Variants in ABCA3 observed in about 807,000 individuals in gnomAD.
The protein encoded by ABCA3 is phospholipid-transporting ATPase ABCA3.
A neutral mutation model predicts 172.8 loss-of-function variants in ABCA3; 88 were observed. That is an observed-to-expected ratio of 0.51 (90% CI 0.43 to 0.61). The LOEUF (loss-of-function observed/expected upper bound fraction) is 0.61, where lower values mean the gene tolerates loss of function less well. ABCA3 is among the 20% of genes least tolerant of loss of function. The pLI, the probability that ABCA3 is intolerant of heterozygous loss-of-function variation, is 0.00. For missense variants in ABCA3, 2,164 were observed against 2,301.0 expected, an observed-to-expected ratio of 0.94 and a Z score of 1.22; for synonymous variants, 1,066 against 983.8, an observed-to-expected ratio of 1.08 and a Z score of -1.56.
In ABCA3 at chr16:2,278,285, T is replaced by C; in HGVS notation, c.4718+3A>G. On this transcript the variant is annotated splice_donor_region_variant and intron_variant, in intron 30 of 32. Coordinates refer to ENST00000301732, the MANE Select transcript of ABCA3 (RefSeq NM_001089.3). The surrounding 1 kb of genome is among the most constrained non-coding windows in gnomAD (Gnocchi z 4.4). The stretch of plus-strand genomic sequence containing the variant: ...TCCAGTAACCCACAGACCCAGGCTC[T>C]ACCTGTGGGAGGTGATGATGATGGC... The C allele has an allele frequency of 6.2e-7, 1 of 1,607,404 alleles. No homozygotes were observed. Among genetic ancestry groups the C allele is most frequent in the Non-Finnish European group, 8.5e-7 (1 of 1,179,976 alleles).
chr16:2,317,693 G>A lies in ABCA3; in HGVS notation c.945C>T (p.Phe315=). ...TCATGAAGGAGGCGGCGATGAGGAG[G>A]AAGAGGAAGAACAAGAGGAACCAGG... is the stretch of plus-strand genomic sequence containing the variant. The part of the protein sequence containing the change: ...WSAWFLLFFL[F]LLIAASFMTL... The change falls in exon 9 of 33, where the codon TTC becomes TTT. Residue 315 remains phenylalanine (F), a synonymous_variant. Coordinates refer to ENST00000301732, the MANE Select transcript of ABCA3 (RefSeq NM_001089.3). 5.0e-6 allele frequency: 8 copies of A among 1,614,246 alleles called. No homozygotes were observed. The highest frequency in any genetic ancestry group is 6.8e-6 in the Non-Finnish European group (8 of 1,180,034).
intron 8 of ABCA3, among the ~76,000 whole-genome samples, chr16:2,318,417 T>C (rs1024707335): frequency 2.6e-5 from 4 of 152,158 alleles, no homozygotes; most frequent in Admixed American, 1.3e-4. Flanking sequence ...CACTGACCAA[T>C]ACGGCAGCCA....
intron 20 of ABCA3, chr16:2,289,066 C>T (rs2093667711): frequency 3.7e-6 from 1 of 269,542 alleles, no homozygotes; most frequent in South Asian, 5.0e-5. Context: ...AGAATGAGCT[C>T]TGTGACTCTG....
chr16:2,283,389 G>A lies in ABCA3; in HGVS notation c.3863-31C>T, dbSNP rs1429482790. ...GGGCGAGGGAGTCACTGTGCCCCGA[G>A]GCCTGGGGCACCCTCCTCCCCTTCC... On this transcript the variant is annotated intron_variant, in intron 25 of 32. Coordinates refer to ENST00000301732, the MANE Select transcript of ABCA3 (RefSeq NM_001089.3). The surrounding 1 kb of genome is among the most constrained non-coding windows in gnomAD (Gnocchi z 5.4). 6.2e-7 allele frequency: 1 copy of A among 1,606,650 alleles called. No homozygotes were observed. The highest frequency in any genetic ancestry group is 1.3e-5 in the African/African-American group (1 of 74,762).
Position 2,286,578 on chromosome 16 carries a change from C to T in ABCA3, c.3278+116G>A. ...GATGTGGCAGGGGTTTCCCACCAGACCCAGGGGCTTTGGGAGGGCAGACAC... is the reference window on the plus strand; with the variant it reads ...GATGTGGCAGGGGTTTCCCACCAGATCCAGGGGCTTTGGGAGGGCAGACAC... On this transcript the variant is annotated intron_variant, in intron 22 of 32. Transcript: ENST00000301732. The surrounding 1 kb of genome is among the most constrained non-coding windows in gnomAD (Gnocchi z 5.2). The T allele has an allele frequency of 1.4e-6, 2 of 1,399,112 alleles. No homozygotes were observed. Among genetic ancestry groups the T allele is most frequent in the South Asian group, 2.6e-5 (2 of 77,148 alleles). 86.7% of individuals were successfully genotyped at this position (1,399,112 alleles called of 1,614,324 possible).
Position 2,291,521 on chromosome 16 carries a change from G to C in ABCA3, c.2513+619C>G, listed in dbSNP as rs971123457. On this transcript the variant is annotated intron_variant, in intron 19 of 32. Coordinates refer to ENST00000301732, the MANE Select transcript of ABCA3 (RefSeq NM_001089.3). Reference sequence around the variant, plus strand: ...AACGACACAGGTATCTCCCAAGGACGATCTAAGCCCAAGAAGAGCTGGGCA... The same window carrying C: ...AACGACACAGGTATCTCCCAAGGACCATCTAAGCCCAAGAAGAGCTGGGCA... Among the ~76,000 whole-genome samples the C allele has an allele frequency of 8.5e-5, 13 of 152,268 alleles. No individual in the cohort carries two copies. The East Asian group carries it at 2.1e-3, about 25-fold the overall frequency.
chr16:2,339,434 T>C (rs1000526809), intron 1 of ABCA3: 4 of 152,218 alleles, frequency 2.6e-5, no homozygotes, highest in Non-Finnish European at 5.9e-5. Context: ...AAAATGAAAG[T>C]GTGGGGGAGA....
intron 3 of ABCA3, among the ~76,000 whole-genome samples, chr16:2,328,131 A>T (rs1219693786): frequency 2.6e-5 from 4 of 152,158 alleles, no homozygotes; most frequent in African/African-American, 9.7e-5. Flanking sequence ...GGGGAAAAAA[A>T]TCTGCCAAAA....
intron 11 of ABCA3, among the ~76,000 whole-genome samples, chr16:2,305,827 G>A (rs73500183): frequency 0.1 from 15,155 of 152,062 alleles, 834 homozygotes; most frequent in African/African-American, 0.14. Flanking sequence ...CTCCTGCCTC[G>A]GCCATAAGTC....
rs2093664851 is a variant in ABCA3, at chr16:2,287,457, T to C, written c.3005-490A>G. The stretch of plus-strand genomic sequence containing the variant: ...ACCACACCTAGCTAATTTTTGTGTT[T>C]AGTAGAGACAGAGTTTTGCCATGTT... On this transcript the variant is annotated intron_variant, in intron 21 of 32. Transcript: ENST00000301732. The surrounding 1 kb of genome is among the most constrained non-coding windows in gnomAD (Gnocchi z 4.1). 6.6e-6 allele frequency among the ~76,000 whole-genome samples: 1 copy of C among 152,132 alleles called. No homozygotes were observed. Among genetic ancestry groups the C allele is most frequent in the Non-Finnish European group, 1.5e-5 (1 of 68,026 alleles).
chr16:2,286,648 C>A lies in ABCA3; in HGVS notation c.3278+46G>T. On this transcript the variant is annotated intron_variant, in intron 22 of 32. Transcript: ENST00000301732. This position sits in a 1 kb window ranked among gnomAD's most constrained non-coding sequence, Gnocchi z 5.2. ...CGTGGCAGTGCCCAGGGCAGTCAGT[C>A]CTGGGGGCTCTGGCCAGGGCAGACA... 2.5e-6 allele frequency: 4 copies of A among 1,610,318 alleles called. No individual in the cohort carries two copies. The highest frequency in any genetic ancestry group is 1.3e-5 in the African/African-American group (1 of 74,810).
chr16:2,329,475 G>T (rs1352123799), intron 2 of ABCA3, among the ~76,000 whole-genome samples, 173 bp downstream of exon 2: 4 of 152,236 alleles, frequency 2.6e-5, no homozygotes, highest in Non-Finnish European at 5.9e-5. Flanking sequence ...ACAGTTCAAA[G>T]AAGTCTTCTG....
At chr16:2,314,227 G>A (rs1596857079) in intron 10 of ABCA3, among the ~76,000 whole-genome samples, 1 of 151,014 alleles carries the variant, frequency 6.6e-6, no homozygotes, top group Non-Finnish European at 1.5e-5. Flanking sequence ...CCAAGAGTCT[G>A]TCAATGGATG....
rs1555489503 is a variant in ABCA3 at position 2,315,238 on chromosome 16, A to ACG, written c.1111+2044_1111+2045insCG. 1.9e-3 allele frequency among the ~76,000 whole-genome samples: 286 copies of ACG among 151,314 alleles called. 16 individuals carry two copies. The highest frequency in any genetic ancestry group is 0.013 in the East Asian group (66 of 5,106). ...CACACACACACACACACACACACAC[A>ACG]CACACAGCAAAGTCTGATGAGATAT... On this transcript the variant is annotated intron_variant, in intron 10 of 32. Coordinates refer to ENST00000301732, the MANE Select transcript of ABCA3 (RefSeq NM_001089.3).
rs45498297 is a variant in ABCA3 at position 2,324,853 on chromosome 16, G to A, written c.320-322C>T. 0.012 allele frequency among the ~76,000 whole-genome samples: 1,841 copies of A among 152,270 alleles called. 24 individuals are homozygous for A. The highest frequency in any genetic ancestry group is 0.018 in the Non-Finnish European group (1,218 of 68,028). On this transcript the variant is annotated intron_variant, in intron 5 of 32. Transcript: ENST00000301732. ...CACCCTGCAGTGGGCTCTGCAGCCC[G>A]GGGTGGCTTCTCTTTCTCAAAACCA...
chr16:2,299,854 G>A, intron 13 of ABCA3, 151 bp downstream of exon 13: 1 of 1,150,242 alleles, frequency 8.7e-7, no homozygotes, highest in Non-Finnish European at 1.3e-6. Context: ...CCGGTTAGAG[G>A]GCAGCGGAGG....
chr16:2,337,062 G>A lies in ABCA3; in HGVS notation c.-539+3511C>T, dbSNP rs982797667. On this transcript the variant is annotated intron_variant, in intron 1 of 32. Coordinates refer to ENST00000301732, the MANE Select transcript of ABCA3 (RefSeq NM_001089.3). ...ACAGTAGCTGGGACTTCAGGTGCAC[G>A]CCACCATACCTGGCTATTTTTTTTT... Among the ~76,000 whole-genome samples, 10 of 150,486 alleles carry A rather than the reference G, an allele frequency of 6.6e-5. No individual in the cohort carries two copies. In the East Asian group the frequency reaches 2.0e-3, roughly 30 times the overall value.
At position 2,326,087 on chromosome 16, in the gene ABCA3, G is replaced by A; in HGVS notation, c.242C>T (p.Ala81Val). The change falls in exon 5 of 33, where the codon GCC (alanine) becomes GTC (valine). Residue 81 changes from alanine (A) to valine (V), a missense_variant. Physicochemically the swap from Ala to Val is moderately conservative, Grantham distance 64. Transcript: ENST00000301732. ...FPPPGDTWEL[A>V]YIPSHSDAAK... Reference sequence around the variant, plus strand: ...AGCGTCACTGTGAGAAGGGATGTAGGCAAGCTCCCAGGTGTCTCCTGGCGG... The same window carrying A: ...AGCGTCACTGTGAGAAGGGATGTAGACAAGCTCCCAGGTGTCTCCTGGCGG... 7 of 1,614,106 alleles carry A rather than the reference G, an allele frequency of 4.3e-6. No individual in the cohort carries two copies. Among genetic ancestry groups the A allele is most frequent in the Non-Finnish European group, 5.9e-6 (7 of 1,180,036 alleles).
intron 8 of ABCA3, 115 bp downstream of exon 8, chr16:2,319,466 C>G: frequency 7.2e-7 from 1 of 1,387,904 alleles, no homozygotes; most frequent in Non-Finnish European, 9.5e-7. Flanking sequence ...GCCTGGGCGA[C>G]AGAGCGAGAC....
Sources: gnomAD v4.1 joint callset for allele counts (sites outside exome capture counted in the v4.1 genomes callset) on GRCh38, gnomAD v4.1.1 for gene constraint, Gnocchi (gnomAD v3.1) non-coding constraint, MANE v1.5 for transcripts, NCBI Gene and HGNC (gene_info 2026-07-23, HGNC 2026-07-21) for gene names.